GMEB2: variants seen among roughly 807,000 people sequenced by gnomAD.
The protein encoded by GMEB2 is glucocorticoid modulatory element-binding protein 2.
In GMEB2, 7 loss-of-function variants were observed where a neutral mutation model predicts 45.7. The ratio of observed to expected loss-of-function variants is 0.15; its 90% CI spans 0.09 to 0.29. The LOEUF (loss-of-function observed/expected upper bound fraction) is 0.29, where lower values mean the gene tolerates loss of function less well. Ranked by LOEUF, GMEB2 falls within the 10% of genes least tolerant of loss-of-function variation. The pLI is 1.00. For missense variants in GMEB2, 582 were observed against 739.2 expected (o/e 0.79, Z 2.47); for synonymous variants, 322 against 323.6 (o/e 1.00, Z 0.05).
At position 63,619,239 on chromosome 20, in the gene GMEB2, C is replaced by G. The variant is rs775801619; in HGVS notation, c.131+28G>C. The G allele has an allele frequency of 1.9e-6, 3 of 1,584,402 alleles. No individual in the cohort carries two copies. The highest frequency in any genetic ancestry group is 2.6e-6 in the Non-Finnish European group (3 of 1,166,788). ...ACAGCCCAACCCAAGCCCCCATCAG[C>G]CCCAATGGCACCGAGGCCCGAGCTT... On this transcript the variant is annotated intron_variant, in intron 2 of 9. Coordinates refer to ENST00000370077, the MANE Select transcript of GMEB2 (RefSeq NM_012384.5). The surrounding 1 kb of genome is among the most constrained non-coding windows in gnomAD (Gnocchi z 4.6).
intron 2 of GMEB2, among the ~76,000 whole-genome samples, chr20:63,617,415 T>C (rs994580797): frequency 2.6e-5 from 4 of 152,196 alleles, no homozygotes; most frequent in African/African-American, 7.2e-5. Context: ...GACCCTGATC[T>C]TGGACTTCAG....
chr20:63,598,650 T>G (rs2083218162), intron 4 of GMEB2, among the ~76,000 whole-genome samples: 1 of 152,030 alleles, frequency 6.6e-6, no homozygotes, highest in Non-Finnish European at 1.5e-5. Flanking sequence ...GAAGTGATGT[T>G]CCCAATCCCT....
rs759958259 is a variant in GMEB2 at position 63,590,289 on chromosome 20, C to T, written c.1393G>A (p.Gly465Ser). 1.1e-5 allele frequency: 18 copies of T among 1,612,488 alleles called. No homozygotes were observed. The highest frequency in any genetic ancestry group is 3.3e-5 in the South Asian group (3 of 91,080). ...TVLSTAAVQD[G>S]STVFKVVSPL... ...CTGACCACCTTGAACACCGTGCTAC[C>T]GTCCTGCACGGCGGCCGTGCTCAGG... is the stretch of plus-strand genomic sequence containing the variant. The change falls in exon 10 of 10, where the codon GGT (glycine) becomes AGT (serine). Residue 465 changes from glycine to serine, a missense_variant. By Grantham distance (56) the Gly-to-Ser change is moderately conservative (BLOSUM62 0). This residue lies in a region of GMEB2 where 462 missense variants were observed against 586.7 expected (regional missense o/e 0.79). Coordinates refer to ENST00000370077, the MANE Select transcript of GMEB2 (RefSeq NM_012384.5).
At chr20:63,620,541 G>C (rs1213857330) in intron 1 of GMEB2, among the ~76,000 whole-genome samples, 1 of 152,238 alleles carries the variant, frequency 6.6e-6, no homozygotes, top group Non-Finnish European at 1.5e-5. Context: ...TCCCAAGACA[G>C]TCTCTACGTG....
chr20:63,592,237 G>A lies in GMEB2; in HGVS notation c.830-93C>T. 1 of 1,229,122 alleles carries A rather than the reference G, an allele frequency of 8.1e-7. No homozygotes were observed. Among genetic ancestry groups the A allele is most frequent in the Non-Finnish European group, 1.1e-6 (1 of 871,390 alleles). 76.1% of individuals were successfully genotyped at this position (1,229,122 alleles called of 1,614,324 possible). On this transcript the variant is annotated intron_variant, in intron 8 of 9. Transcript: ENST00000370077. This position sits in a 1 kb window ranked among gnomAD's most constrained non-coding sequence, Gnocchi z 8.2. ...TGAGAGCCCGGGACCTTCCTAGAGA[G>A]TCACGTGGACGCTCGGTGAGAGCCT... is the stretch of plus-strand genomic sequence containing the variant.
At chr20:63,616,174 T>A (rs183093170) in intron 2 of GMEB2, among the ~76,000 whole-genome samples, 1 of 152,314 alleles carries the variant, frequency 6.6e-6, no homozygotes, top group East Asian at 1.9e-4. Flanking sequence ...CCGGGTACAG[T>A]GGCTCGCGCC....
intron 4 of GMEB2, among the ~76,000 whole-genome samples, chr20:63,598,881 G>A (rs1310491755): frequency 6.6e-6 from 1 of 152,180 alleles, no homozygotes; most frequent in Non-Finnish European, 1.5e-5. Context: ...CTCACACCTA[G>A]GAAACTCAAC....
In GMEB2 at chr20:63,592,269, TTCCTAGAGAGTGAGAA is replaced by T; in HGVS notation, c.830-141_830-126del. 2 of 920,384 alleles carry T rather than the reference TTCCTAGAGAGTGAGAA, an allele frequency of 2.2e-6. No homozygotes were observed. Among genetic ancestry groups the T allele is most frequent in the Non-Finnish European group, 3.3e-6 (2 of 612,704 alleles). The allele number at this position is 920,384 out of a possible 1,614,324, so 57.0% of individuals were successfully genotyped here. A position where few individuals can be genotyped will look rare whatever the true frequency, so the allele number is the denominator to read the frequency against. ...GGACGCTCGGTGAGAGCCTGGGCTC[TTCCTAGAGAGTGAGAA>T]CACCACCACTGAGGCTGCTCCTCAG... On this transcript the variant is annotated intron_variant, in intron 8 of 9. Transcript: ENST00000370077. The surrounding 1 kb of genome is among the most constrained non-coding windows in gnomAD (Gnocchi z 8.2).
chr20:63,588,767 A>T lies in GMEB2; in HGVS notation c.*1322T>A, dbSNP rs1015311647. 1.8e-5 allele frequency: 7 copies of T among 398,556 alleles called. No individual in the cohort carries two copies. The highest frequency in any genetic ancestry group is 1.4e-4 in the African/African-American group (7 of 48,634). 24.7% of individuals were successfully genotyped at this position (398,556 alleles called of 1,614,324 possible). On this transcript the variant is annotated 3_prime_UTR_variant, in exon 10 of 10. Transcript: ENST00000370077. ...GCAGGAGCGTCCAGGGGAATCTGGC[A>T]CTCAGGGTCCTCCCGGGACATGCCC...
In GMEB2 at chr20:63,590,326, G is replaced by A; in HGVS notation, c.1356C>T (p.Ser452=). The A allele has an allele frequency of 6.2e-7, 1 of 1,612,326 alleles. No individual in the cohort carries two copies. The highest frequency in any genetic ancestry group is 1.3e-5 in the African/African-American group (1 of 75,052). The change falls in exon 10 of 10, where the codon TCC becomes TCT. Residue 452 remains serine (S), a synonymous_variant. Transcript: ENST00000370077. ...PSTVEIHPDA[S]SLTVLSTAAV... ...CGGCCGTGCTCAGGACCGTGAGGCTGGACGCGTCCGGGTGGATCTCCACTG... is the reference window on the plus strand; with the variant it reads ...CGGCCGTGCTCAGGACCGTGAGGCTAGACGCGTCCGGGTGGATCTCCACTG...
Position 63,590,348 on chromosome 20 carries a change from A to G in GMEB2, c.1334T>C (p.Val445Ala). 3 of 1,611,620 alleles carry G rather than the reference A, an allele frequency of 1.9e-6. No individual in the cohort carries two copies. The highest frequency in any genetic ancestry group is 2.5e-6 in the Non-Finnish European group (3 of 1,179,054). ...GCTGGACGCGTCCGGGTGGATCTCC[A>G]CTGTGCTGGGGTAGGTGGAGCCGGA... is the stretch of plus-strand genomic sequence containing the variant. ...ASSGSTYPST[V>A]EIHPDASSLT... The change falls in exon 10 of 10, where the codon GTG becomes GCG. Residue 445 changes from valine (V) to alanine (A), a missense_variant. Coordinates refer to ENST00000370077, the MANE Select transcript of GMEB2 (RefSeq NM_012384.5).
chr20:63,611,717 G>T (rs1488719189), intron 2 of GMEB2, among the ~76,000 whole-genome samples: 1 of 152,150 alleles, frequency 6.6e-6, no homozygotes, highest in Non-Finnish European at 1.5e-5. Flanking sequence ...ATCCCCAGGG[G>T]ATCAAATTGT....
intron 4 of GMEB2, among the ~76,000 whole-genome samples, chr20:63,598,298 A>G (rs1165898023): frequency 6.6e-6 from 1 of 151,538 alleles, no homozygotes; most frequent in African/African-American, 2.4e-5. Flanking sequence ...CCCTCCTGAC[A>G]CCACCTTGCC....
chr20:63,590,157 G>C lies in GMEB2; in HGVS notation c.1525C>G (p.Pro509Ala), dbSNP rs774036963. ...GTGGCCGTGTGCTCCTCAGGCCCGG[G>C]GGCAGCCCCTGCGGGCACTGTCACA... ...TIVTVPAGAA[P>A]GPEEHTATIE... Residue 509 changes from proline (P) to alanine (A), a missense_variant, in exon 10 of 10, where the codon CCC becomes GCC. Physicochemically the swap from Pro to Ala is conservative, Grantham distance 27. Around this residue, in one of 3 missense-constraint regions of GMEB2, gnomAD observed 462 missense variants for 586.7 expected, o/e 0.79. Coordinates refer to ENST00000370077, the MANE Select transcript of GMEB2 (RefSeq NM_012384.5). 2.5e-6 allele frequency: 4 copies of C among 1,580,988 alleles called. No homozygotes were observed. In the African/African-American group the frequency reaches 5.4e-5, roughly 21 times the overall value.
At chr20:63,591,811 C>T (rs998657516) in intron 9 of GMEB2, among the ~76,000 whole-genome samples, 11 of 152,200 alleles carry the variant, frequency 7.2e-5, no homozygotes, top group African/African-American at 1.2e-4. Flanking sequence ...ACAGAAATGC[C>T]GGTAAATGTA....
Position 63,590,096 on chromosome 20 carries a change from C to T in GMEB2, c.1586G>A (p.Arg529Gln), listed in dbSNP as rs753718087. The change falls in exon 10 of 10, where the codon CGG (arginine) becomes CAG (glutamine). Residue 529 changes from arginine (R) to glutamine (Q), a missense_variant. This residue lies in a region of GMEB2 where 462 missense variants were observed against 586.7 expected (regional missense o/e 0.79). Transcript: ENST00000370077. ...EVAAMAEDHE[R>Q]K ...GCCTCGCCCTCCTGTCGGCTACTTC[C>T]GCTCGTGGTCCTCTGCCATGGCAGC... is the stretch of plus-strand genomic sequence containing the variant. The T allele has an allele frequency of 1.0e-4, 152 of 1,507,530 alleles. No homozygotes were observed. Among genetic ancestry groups the T allele is most frequent in the Non-Finnish European group, 1.3e-4 (145 of 1,128,844 alleles). The allele number at this position is 1,507,530 out of a possible 1,614,324, so 93.4% of individuals were successfully genotyped here.
Position 63,595,747 on chromosome 20 carries a change from T to A in GMEB2, c.482A>T (p.Glu161Val). 3 of 1,613,920 alleles carry A rather than the reference T, an allele frequency of 1.9e-6. No individual in the cohort carries two copies. The highest frequency in any genetic ancestry group is 2.2e-5 in the East Asian group (1 of 44,864). ...IMLRKIMDSG[E>V]LDFYQHDKVC... ...CTTGTCATGCTGGTAGAAGTCCAGT[T>A]CCCCGGAGTCCATGATCTTCCTGTG... The change falls in exon 6 of 10, where the codon GAA (glutamate) becomes GTA (valine). Residue 161 changes from glutamate to valine, a missense_variant. By Grantham distance (121) the Glu-to-Val change is moderately radical (BLOSUM62 -2). Around this residue, in one of 3 missense-constraint regions of GMEB2, gnomAD observed 462 missense variants for 586.7 expected, o/e 0.79. Coordinates refer to ENST00000370077, the MANE Select transcript of GMEB2 (RefSeq NM_012384.5).
At chr20:63,603,146 C>A in intron 3 of GMEB2, 54 bp from the exon 4 acceptor site, 1 of 1,562,378 alleles carries the variant, frequency 6.4e-7, no homozygotes, top group Non-Finnish European at 8.7e-7. Context: ...CAGTTACAAC[C>A]TCTTCAAAGC....
intron 2 of GMEB2, among the ~76,000 whole-genome samples, chr20:63,606,269 A>G (rs2089518280): frequency 6.6e-6 from 1 of 152,214 alleles, no homozygotes; most frequent in South Asian, 2.1e-4. Flanking sequence ...ATACAAAACC[A>G]AGAAATAAAA....
Sources: gnomAD v4.1 joint callset for allele counts (sites outside exome capture counted in the v4.1 genomes callset) on GRCh38, gnomAD v4.1.1 for gene constraint, gnomAD v4.1.1 regional missense constraint, Gnocchi (gnomAD v3.1) non-coding constraint, MANE v1.5 for transcripts, NCBI Gene and HGNC (gene_info 2026-07-23, HGNC 2026-07-21) for gene names.